The following KLB variants were observed in gnomAD, a reference collection of about 807,000 sequenced individuals.
KLB encodes klotho beta, also known as beta-klotho.
In KLB, 44 loss-of-function variants were observed where a neutral mutation model predicts 88.4. The ratio of observed to expected loss-of-function variants is 0.50; its 90% confidence interval spans 0.39 to 0.64. The LOEUF is 0.64. Among genes scored for constraint, KLB ranks in the 30% least tolerant of loss-of-function variants. KLB has a pLI of 0.00. For synonymous variants in KLB, 548 were observed against 513.4 expected, an observed-to-expected ratio of 1.07 and a Z score of -0.91; for missense variants, 1,137 against 1,304.8, an observed-to-expected ratio of 0.87 and a Z score of 1.98.
intron 1 of KLB, among the ~76,000 whole-genome samples, chr4:39,430,300 A>G (rs560450135): frequency 1.3e-5 from 2 of 151,974 alleles, no homozygotes; most frequent in South Asian, 2.1e-4. Context: ...TGGGTCTTCC[A>G]TGAATGATAG....
At chr4:39,440,834 A>G (rs1194946063) in intron 3 of KLB, among the ~76,000 whole-genome samples, 2 of 152,160 alleles carry the variant, frequency 1.3e-5, no homozygotes, top group African/African-American at 2.4e-5. Context: ...CTAGGATTAC[A>G]GGTGTTAGCC....
chr4:39,431,852 TG>T (rs1284401399), intron 1 of KLB, among the ~76,000 whole-genome samples: 3 of 152,244 alleles, frequency 2.0e-5, no homozygotes, highest in Non-Finnish European at 4.4e-5. Context: ...TGCTTGTCTT[TG>T]ACCTACGTAA....
At position 39,451,471 on chromosome 4, in the gene KLB, T is replaced by C. The variant is rs896480343; in HGVS notation, c.*2785T>C. On this transcript the variant is annotated 3_prime_UTR_variant, in exon 5 of 5. Transcript: ENST00000257408. ...AGGCCAGTACAGTGTGACTACATGTTTAATTTTCAATGTAATTTATTCCAA... is the reference window on the plus strand; with the variant it reads ...AGGCCAGTACAGTGTGACTACATGTCTAATTTTCAATGTAATTTATTCCAA... The C allele has an allele frequency of 2.6e-5, 4 of 152,262 alleles. No individual in the cohort carries two copies. Among genetic ancestry groups the C allele is most frequent in the Non-Finnish European group, 4.4e-5 (3 of 68,052 alleles). The allele number at this position is 152,262 out of a possible 1,614,324, so 9.4% of individuals were successfully genotyped here. A position where few individuals can be genotyped will look rare whatever the true frequency, so the allele number is the denominator to read the frequency against.
chr4:39,419,754 C>T (rs1161229956), intron 1 of KLB, among the ~76,000 whole-genome samples: 75 of 136,278 alleles, frequency 5.5e-4, no homozygotes, highest in African/African-American at 1.9e-3. Flanking sequence ...CCAGTCTGGG[C>T]GACAGAGCAA....
At chr4:39,409,286 TTTAA>T (rs1399517173) in intron 1 of KLB, among the ~76,000 whole-genome samples, 3 of 146,602 alleles carry the variant, frequency 2.0e-5, no homozygotes, top group Non-Finnish European at 4.5e-5. Context: ...ATTTAGTCCT[TTTAA>T]TTTTCTTTTT....
At chr4:39,416,098 G>T in intron 1 of KLB, among the ~76,000 whole-genome samples, 1 of 149,120 alleles carries the variant, frequency 6.7e-6, no homozygotes, top group East Asian at 1.9e-4. Context: ...CAAAAAAAAA[G>T]TAGATTGCAG....
intron 1 of KLB, among the ~76,000 whole-genome samples, chr4:39,409,956 T>C (rs994477780): frequency 1.1e-4 from 16 of 152,074 alleles, no homozygotes; most frequent in African/African-American, 3.9e-4. Flanking sequence ...AAATATCACA[T>C]TGTACCAAAG....
chr4:39,427,651 G>A (rs959446026), intron 1 of KLB, among the ~76,000 whole-genome samples: 6 of 152,134 alleles, frequency 3.9e-5, no homozygotes, highest in African/African-American at 1.4e-4. Flanking sequence ...GGCAAGTAAA[G>A]GCTTGGGAGC....
At chr4:39,407,881 T>A in intron 1 of KLB, 107 bp downstream of exon 1, 2 of 640,888 alleles carry the variant, frequency 3.1e-6, no homozygotes, top group Non-Finnish European at 5.1e-6. Context: ...CAACTGATTT[T>A]AAGCTAATTC....
chr4:39,434,736 G>T lies in KLB; in HGVS notation c.1336+16G>T. On this transcript the variant is annotated intron_variant, in intron 2 of 4. Transcript: ENST00000257408. ...GTGCTTCAAGGTTGGTTGTACACTT[G>T]CTTAATTTTTTAAAAATTCTAAAAA... 6.4e-7 allele frequency: 1 copy of T among 1,562,600 alleles called. No homozygotes were observed.
intron 1 of KLB, among the ~76,000 whole-genome samples, chr4:39,433,223 G>A (rs958730793): frequency 6.6e-6 from 1 of 152,070 alleles, no homozygotes; most frequent in Non-Finnish European, 1.5e-5. Context: ...AGGATACTAA[G>A]AGATTTCAGA....
At chr4:39,425,729 A>G (rs1052106252) in intron 1 of KLB, among the ~76,000 whole-genome samples, 9 of 152,302 alleles carry the variant, frequency 5.9e-5, no homozygotes, top group South Asian at 4.1e-4. Flanking sequence ...GGCATGAGCC[A>G]CCACATCTGG....
chr4:39,408,846 T>G (rs958516482), intron 1 of KLB, among the ~76,000 whole-genome samples: 1 of 151,872 alleles, frequency 6.6e-6, no homozygotes, highest in Non-Finnish European at 1.5e-5. Context: ...TCTGCACACC[T>G]GTTACATTTT....
At chr4:39,418,582 C>T (rs1384297329) in intron 1 of KLB, among the ~76,000 whole-genome samples, 1 of 151,900 alleles carries the variant, frequency 6.6e-6, no homozygotes, top group Non-Finnish European at 1.5e-5. Context: ...TTAGCTAAGG[C>T]ATGGTACCTG....
chr4:39,415,835 G>C lies in KLB; in HGVS notation c.825+8061G>C, dbSNP rs537614061. Among the ~76,000 whole-genome samples, 11 of 152,182 alleles carry C rather than the reference G, an allele frequency of 7.2e-5. No homozygotes were observed. The South Asian group carries it at 1.7e-3, about 23-fold the overall frequency. On this transcript the variant is annotated intron_variant, in intron 1 of 4. Transcript: ENST00000257408. ...CTTAACACTGTGAAAGTGGCTTTCA[G>C]GATAAGATATGTTGGGAAACCCTAC...
Position 39,446,908 on chromosome 4 carries a change from C to G in KLB, c.2182C>G (p.Arg728Gly), listed in dbSNP as rs1743760734. The G allele has an allele frequency of 1.2e-6, 2 of 1,606,162 alleles. No homozygotes were observed. Among genetic ancestry groups the G allele is most frequent in the Middle Eastern group, 1.7e-4 (1 of 6,054 alleles). ...AHALAWRLYDRQFRPSQRGAV... is the reference protein window; with the variant it reads ...AHALAWRLYDGQFRPSQRGAV... The stretch of plus-strand genomic sequence containing the variant: ...CGCCCTGGCCTGGCGCCTCTACGAC[C>G]GGCAGTTCAGGCCCTCACAGCGCGG... Residue 728 changes from arginine to glycine, a missense_variant, in exon 4 of 5, where the codon CGG (arginine) becomes GGG (glycine). By Grantham distance (125) the Arg-to-Gly change is moderately radical (BLOSUM62 -2). Coordinates refer to ENST00000257408, the MANE Select transcript of KLB (RefSeq NM_175737.4). The surrounding 1 kb of genome is among the most constrained non-coding windows in gnomAD (Gnocchi z 6.4).
At chr4:39,433,836 G>C (rs1743413661) in intron 1 of KLB, among the ~76,000 whole-genome samples, 1 of 152,022 alleles carries the variant, frequency 6.6e-6, no homozygotes, top group African/African-American at 2.4e-5. Flanking sequence ...CTCCAGCCTA[G>C]GCGACAGAGA....
At chr4:39,439,687 C>T (rs537088857) in intron 3 of KLB, among the ~76,000 whole-genome samples, 1 of 144,324 alleles carries the variant, frequency 6.9e-6, no homozygotes, top group South Asian at 2.2e-4. Context: ...GGAGACGGAG[C>T]TTTATTCTTG....
chr4:39,418,415 T>G (rs1743009557), intron 1 of KLB, among the ~76,000 whole-genome samples: 1 of 151,954 alleles, frequency 6.6e-6, no homozygotes, highest in Admixed American at 6.6e-5. Flanking sequence ...ATTTTTGTAC[T>G]TTTAGTAGAG....
Sources: gnomAD v4.1 joint callset for allele counts (sites outside exome capture counted in the v4.1 genomes callset) on GRCh38, gnomAD v4.1.1 for gene constraint, Gnocchi (gnomAD v3.1) non-coding constraint, MANE v1.5 for transcripts, NCBI Gene and HGNC (gene_info 2026-07-23, HGNC 2026-07-21) for gene names.